The following POFUT3 variants were observed in gnomAD, a reference collection of about 807,000 sequenced individuals.
POFUT3 encodes the protein GDP-fucose protein O-fucosyltransferase 3.
At chr8:33,346,506 C>A in the POFUT3 span, among the ~76,000 whole-genome samples, 1 of 152,190 alleles carries the variant, frequency 6.6e-6, no homozygotes, top group African/African-American at 2.4e-5. Flanking sequence ...CCTTTGGAAT[C>A]ATTCTGTTTC....
At chr8:33,345,225 T>C in the POFUT3 span, among the ~76,000 whole-genome samples, 2 of 152,046 alleles carry the variant, frequency 1.3e-5, no homozygotes, top group South Asian at 4.2e-4. Flanking sequence ...CATCTTTTTA[T>C]TAAATTACCC....
the POFUT3 span, among the ~76,000 whole-genome samples, chr8:33,412,017 A>G: frequency 1.5e-5 from 2 of 135,002 alleles, no homozygotes; most frequent in South Asian, 2.8e-4. Flanking sequence ...CAGGTTGCAC[A>G]CTGAGAGTTT....
the POFUT3 span, among the ~76,000 whole-genome samples, chr8:33,425,531 G>A: frequency 6.6e-6 from 1 of 151,922 alleles, no homozygotes; most frequent in Admixed American, 6.6e-5. Context: ...TAAGGTCTAG[G>A]GTCTAGGTTA....
At chr8:33,472,072 G>A in the POFUT3 span, among the ~76,000 whole-genome samples, 1 of 152,180 alleles carries the variant, frequency 6.6e-6, no homozygotes, top group Non-Finnish European at 1.5e-5. Context: ...GTAGTGTGAC[G>A]TTACTAACAA....
chr8:33,390,610 G>C, the POFUT3 span, among the ~76,000 whole-genome samples: 1 of 145,388 alleles, frequency 6.9e-6, no homozygotes, highest in African/African-American at 2.6e-5. Flanking sequence ...GTAGAAGATA[G>C]ATTTTTTTAA....
chr8:33,444,599 C>T, the POFUT3 span, among the ~76,000 whole-genome samples: 3 of 152,186 alleles, frequency 2.0e-5, no homozygotes, highest in African/African-American at 7.2e-5. Flanking sequence ...AGGTAGATCA[C>T]CTGAGGTCAG....
the POFUT3 span, among the ~76,000 whole-genome samples, chr8:33,339,188 T>G: frequency 6.6e-6 from 1 of 151,934 alleles, no homozygotes; most frequent in South Asian, 2.1e-4. Flanking sequence ...AGTGAAAAAA[T>G]AGTAAATTTC....
the POFUT3 span, chr8:33,389,611 GC>G: frequency 6.2e-7 from 1 of 1,614,200 alleles, no homozygotes; most frequent in Non-Finnish European, 8.5e-7. Flanking sequence ...GGACTTCAAT[GC>G]TCTCCAAGTA....
At chr8:33,449,146 C>T in the POFUT3 span, among the ~76,000 whole-genome samples, 1 of 152,086 alleles carries the variant, frequency 6.6e-6, no homozygotes, top group African/African-American at 2.4e-5. Context: ...ATGATTGGCA[C>T]TGTGCCTGAT....
At chr8:33,323,292 T>C in the POFUT3 span, among the ~76,000 whole-genome samples, 1 of 152,188 alleles carries the variant, frequency 6.6e-6, no homozygotes, top group Non-Finnish European at 1.5e-5. Flanking sequence ...GGCAAAATGC[T>C]GTTGGAAACG....
the POFUT3 span, among the ~76,000 whole-genome samples, chr8:33,333,652 A>G: frequency 1.3e-5 from 2 of 152,148 alleles, no homozygotes; most frequent in African/African-American, 2.4e-5. Context: ...CACTTGAGGC[A>G]AAAAGCCCAG....
the POFUT3 span, among the ~76,000 whole-genome samples, chr8:33,471,237 TTTGTTG>T: frequency 0.077 from 11,762 of 151,914 alleles, 915 homozygotes; most frequent in African/African-American, 0.21. Flanking sequence ...GTTTTTGTTT[TTTGTTG>T]TTGTTGTTGT....
At chr8:33,399,766 A>G in the POFUT3 span, among the ~76,000 whole-genome samples, 1 of 151,862 alleles carries the variant, frequency 6.6e-6, no homozygotes, top group African/African-American at 2.4e-5. Flanking sequence ...CACTCCTCCC[A>G]CCTCAGCCTC....
At chr8:33,320,448 A>G in the POFUT3 span, among the ~76,000 whole-genome samples, 1 of 152,046 alleles carries the variant, frequency 6.6e-6, no homozygotes, top group Non-Finnish European at 1.5e-5. Flanking sequence ...AGGATTTATA[A>G]TGGATTCTTC....
the POFUT3 span, among the ~76,000 whole-genome samples, chr8:33,439,180 G>A: frequency 6.6e-6 from 1 of 152,094 alleles, no homozygotes; most frequent in Non-Finnish European, 1.5e-5. Context: ...CAAGGTGGGT[G>A]GATCAGTTCA....
chr8:33,380,583 T>C, the POFUT3 span, among the ~76,000 whole-genome samples: 1 of 152,060 alleles, frequency 6.6e-6, no homozygotes, highest in Non-Finnish European at 1.5e-5. Flanking sequence ...ATGCCTATAA[T>C]CCCAGCACTT....
the POFUT3 span, among the ~76,000 whole-genome samples, chr8:33,316,397 G>T: frequency 2.6e-5 from 4 of 151,998 alleles, no homozygotes; most frequent in African/African-American, 9.7e-5. Context: ...TATTAGAAAG[G>T]TCTAGTGGGT....
the POFUT3 span, among the ~76,000 whole-genome samples, chr8:33,322,030 A>G: frequency 1.1e-4 from 17 of 152,256 alleles, no homozygotes; most frequent in African/African-American, 4.1e-4. Flanking sequence ...TACACCACAC[A>G]TGATCAACCC....
the POFUT3 span, among the ~76,000 whole-genome samples, chr8:33,339,161 C>G: frequency 6.6e-6 from 1 of 151,880 alleles, no homozygotes; most frequent in African/African-American, 2.4e-5. Context: ...ATGAGCTATA[C>G]AAACATGCTT....
Sources: allele counts gnomAD v4.1 joint callset (sites outside exome capture counted in the v4.1 genomes callset), GRCh38; gene constraint gnomAD v4.1.1; transcripts MANE v1.5; gene names NCBI Gene and HGNC (gene_info 2026-07-23, HGNC 2026-07-21).